TMC5: variants seen among roughly 807,000 people sequenced by gnomAD.
TMC5 encodes transmembrane channel like 5.
A neutral mutation model predicts 110.5 loss-of-function variants in TMC5; 86 were observed. That is an observed-to-expected ratio of 0.78 (90% confidence interval 0.65 to 0.93). The LOEUF is 0.93. Among genes scored for constraint, TMC5 ranks in the 40% least tolerant of loss-of-function variants. The pLI is 0.00. For missense variants in TMC5, 1,144 were observed against 1,222.8 expected, an observed-to-expected ratio of 0.94 and a Z score of 0.96; for synonymous variants, 455 against 439.5, an observed-to-expected ratio of 1.04 and a Z score of -0.44.
At chr16:19,419,944 T>TAG (rs1194222313) in intron 1 of TMC5, among the ~76,000 whole-genome samples, 1 of 152,210 alleles carries the variant, frequency 6.6e-6, no homozygotes, top group African/African-American at 2.4e-5. Flanking sequence ...TCACAGCAGC[T>TAG]AGAATGCTAA....
chr16:19,465,953 G>A lies in TMC5; in HGVS notation c.1486-129G>A, dbSNP rs983470444. On this transcript the variant is annotated intron_variant, in intron 8 of 21. Transcript: ENST00000542583. ...TCCAAATTCTCAGTGCCCCTTTCCT[G>A]GAAAACAAAATGTCTAAACTGACTG... 4.1e-6 allele frequency: 4 copies of A among 966,694 alleles called. No homozygotes were observed. In the African/African-American group the frequency reaches 5.0e-5, roughly 12 times the overall value. 59.9% of individuals were successfully genotyped at this position (966,694 alleles called of 1,614,324 possible). A position where few individuals can be genotyped will look rare whatever the true frequency, so the allele number is the denominator to read the frequency against.
intron 1 of TMC5, among the ~76,000 whole-genome samples, chr16:19,428,264 AATTGGTGACATT>A (rs1967126674): frequency 2.0e-5 from 3 of 152,054 alleles, no homozygotes; most frequent in Admixed American, 2.0e-4. Context: ...TGTGAAGATT[AATTGGTGACATT>A]TGCCAACTCT....
At chr16:19,494,081 AT>A (rs1296404790) in intron 19 of TMC5, among the ~76,000 whole-genome samples, 180 bp from the exon 20 acceptor site, 1 of 152,094 alleles carries the variant, frequency 6.6e-6, no homozygotes, top group Non-Finnish European at 1.5e-5. Context: ...CTGGGGGATA[AT>A]TTGGTTTTAC....
chr16:19,418,264 G>C (rs539651769), intron 1 of TMC5, among the ~76,000 whole-genome samples, 172 bp downstream of exon 1: 1 of 152,260 alleles, frequency 6.6e-6, no homozygotes, highest in Admixed American at 6.5e-5. Context: ...AATGACCAGG[G>C]GAAATGGGAG....
At chr16:19,486,063 A>G (rs1371221240) in intron 15 of TMC5, among the ~76,000 whole-genome samples, 1 of 152,240 alleles carries the variant, frequency 6.6e-6, no homozygotes, top group Admixed American at 6.5e-5. Flanking sequence ...AGAGCTGGGA[A>G]GAAGGCAGCT....
upstream of TMC5, among the ~76,000 whole-genome samples, chr16:19,415,376 G>A (rs1478611453): frequency 3.9e-5 from 6 of 152,126 alleles, no homozygotes; most frequent in Admixed American, 3.3e-4. Context: ...GCCTCCCAGG[G>A]GATATTTGCC....
intron 6 of TMC5, among the ~76,000 whole-genome samples, chr16:19,461,292 TCA>T (rs1968015134): frequency 6.6e-6 from 1 of 152,102 alleles, no homozygotes; most frequent in African/African-American, 2.4e-5. Context: ...AAAATAAAGA[TCA>T]GACTAGTGCA....
Position 19,449,707 on chromosome 16 carries a change from G to A in TMC5, c.1048+76G>A, listed in dbSNP as rs541601091. 4,575 of 1,305,824 alleles carry A rather than the reference G, an allele frequency of 3.5e-3. 17 individuals carry two copies. Among genetic ancestry groups the A allele is most frequent in the Non-Finnish European group, 4.4e-3 (4,001 of 902,564 alleles). 80.9% of individuals were successfully genotyped at this position (1,305,824 alleles called of 1,614,324 possible). A position where few individuals can be genotyped will look rare whatever the true frequency, so the allele number is the denominator to read the frequency against. On this transcript the variant is annotated intron_variant, in intron 5 of 21. Coordinates refer to ENST00000542583, the MANE Select transcript of TMC5 (RefSeq NM_001261841.2). Reference sequence around the variant, plus strand: ...TGTAATCCCCATGTGTCGGGGGAGAGACCTGGTGGGAGGTGATTGGATCAT... The same window carrying A: ...TGTAATCCCCATGTGTCGGGGGAGAAACCTGGTGGGAGGTGATTGGATCAT...
intron 10 of TMC5, among the ~76,000 whole-genome samples, chr16:19,471,065 TATAA>T (rs1234091625): frequency 6.6e-6 from 1 of 151,414 alleles, no homozygotes; most frequent in East Asian, 2.0e-4. Context: ...AAGCTGATTT[TATAA>T]ATAAAGGGGC....
In TMC5 at chr16:19,494,395, C is replaced by G. The variant is rs759993866; in HGVS notation, c.2931+29C>G. On this transcript the variant is annotated intron_variant, in intron 20 of 21. Transcript: ENST00000542583. ...AGTCTGGAGGCTGCCTTGGGGACCC[C>G]TGGGACACGAGCTTGCCTCCATGTA... 5 of 1,560,068 alleles carry G rather than the reference C, an allele frequency of 3.2e-6. No individual in the cohort carries two copies. The Admixed American group carries it at 6.9e-5, about 22-fold the overall frequency.
intron 17 of TMC5, among the ~76,000 whole-genome samples, chr16:19,489,097 C>T (rs188589609): frequency 6.6e-6 from 1 of 152,306 alleles, no homozygotes; most frequent in Admixed American, 6.5e-5. Context: ...CTCTCTCTTC[C>T]TCACCAGTTC....
Position 19,442,935 on chromosome 16 carries a change from T to G in TMC5, c.789-1146T>G, listed in dbSNP as rs1045977162. ...CAAAGCCCACCTTTGATCCTATCAC[T>G]CCTTTGCTTTTCATCGTCCATGGGT... On this transcript the variant is annotated intron_variant, in intron 3 of 21. Transcript: ENST00000542583. 1.3e-5 allele frequency among the ~76,000 whole-genome samples: 2 copies of G among 152,182 alleles called. 1 individual carries two copies. The highest frequency in any genetic ancestry group is 4.1e-4 in the South Asian group (2 of 4,830).
rs375532291 is a variant in TMC5, at chr16:19,440,050, C to T, written c.12C>T (p.Tyr4=). ...GAGTCCATACCAACATGTCTGCCTACTACAGGAATAACTGGTCTGAGGAAG... is the reference window on the plus strand; with the variant it reads ...GAGTCCATACCAACATGTCTGCCTATTACAGGAATAACTGGTCTGAGGAAG... MSA[Y]YRNNWSEEDP... Residue 4 remains tyrosine (Y), a synonymous_variant, in exon 3 of 22, where the codon TAC becomes TAT. Coordinates refer to ENST00000542583, the MANE Select transcript of TMC5 (RefSeq NM_001261841.2). 8.1e-6 allele frequency: 13 copies of T among 1,613,122 alleles called. No individual in the cohort carries two copies. Among genetic ancestry groups the T allele is most frequent in the Non-Finnish European group, 1.1e-5 (13 of 1,179,570 alleles).
chr16:19,427,877 A>G (rs1215133383), intron 1 of TMC5, among the ~76,000 whole-genome samples: 1 of 152,188 alleles, frequency 6.6e-6, no homozygotes, highest in Admixed American at 6.5e-5. Context: ...ATAGAATGAA[A>G]GCCAGCCGCA....
intron 1 of TMC5, among the ~76,000 whole-genome samples, chr16:19,427,860 TTC>T (rs35280888): frequency 0.49 from 74,786 of 151,874 alleles, 21,208 homozygotes; most frequent in South Asian, 0.71. Context: ...GCCACTCTCT[TTC>T]TTAAATAGAA....
In TMC5 at chr16:19,463,900, G is replaced by A. The variant is rs1245802210; in HGVS notation, c.1361G>A (p.Arg454Lys). Reference protein sequence around the residue: ...TSVLSYFNFLRWLLKFNIFSF... With the variant: ...TSVLSYFNFLKWLLKFNIFSF... ...GTCCTCTCCTATTTCAACTTTCTGA[G>A]ATGGCTTTTGAAGTTCAACATTTTC... is the stretch of plus-strand genomic sequence containing the variant. The change falls in exon 8 of 22, where the codon AGA becomes AAA. Residue 454 changes from arginine (R) to lysine (K), a missense_variant. By Grantham distance (26) the Arg-to-Lys change is conservative. Coordinates refer to ENST00000542583, the MANE Select transcript of TMC5 (RefSeq NM_001261841.2). 3.1e-6 allele frequency: 5 copies of A among 1,614,070 alleles called. No individual in the cohort carries two copies. In the African/African-American group the frequency reaches 6.7e-5, roughly 22 times the overall value.
Position 19,449,596 on chromosome 16 carries a change from C to G in TMC5, c.1013C>G (p.Pro338Arg), listed in dbSNP as rs1373461235. Reference sequence around the variant, plus strand: ...CCTGTCCATGCTTATGGAAACCCACCATTGTCTGAATGTGATTGGCACAAG... The same window carrying G: ...CCTGTCCATGCTTATGGAAACCCACGATTGTCTGAATGTGATTGGCACAAG... ...SGPVHAYGNP[P>R]LSECDWHKSP... The change falls in exon 5 of 22, where the codon CCA becomes CGA. Residue 338 changes from proline to arginine, a missense_variant. By Grantham distance (103) the Pro-to-Arg change is moderately radical. Transcript: ENST00000542583. The G allele has an allele frequency of 6.2e-7, 1 of 1,614,158 alleles. No homozygotes were observed. The highest frequency in any genetic ancestry group is 1.7e-5 in the Admixed American group (1 of 60,014).
At chr16:19,491,826 C>T (rs4782251) in intron 18 of TMC5, among the ~76,000 whole-genome samples, 99,320 of 151,998 alleles carry the variant, frequency 0.65, 33,607 homozygotes, top group South Asian at 0.76. Flanking sequence ...CATGAGCCAC[C>T]GTGCTGGGTC....
At chr16:19,422,057 C>T (rs555675260) in intron 1 of TMC5, among the ~76,000 whole-genome samples, 2 of 151,788 alleles carry the variant, frequency 1.3e-5, no homozygotes, top group Admixed American at 6.6e-5. Context: ...GGTGAAACCC[C>T]GTCTCTATTA....
Sources: allele counts gnomAD v4.1 joint callset (sites outside exome capture counted in the v4.1 genomes callset), GRCh38; gene constraint gnomAD v4.1.1; transcripts MANE v1.5; gene names NCBI Gene and HGNC (gene_info 2026-07-23, HGNC 2026-07-21).